TPCN1: variants seen among roughly 807,000 people sequenced by gnomAD.
TPCN1 encodes the protein two pore channel protein 1.
Under a neutral mutation model 108.8 loss-of-function variants are expected in TPCN1, and 52 were observed. The ratio of observed to expected loss-of-function variants is 0.48; its 90% CI spans 0.38 to 0.60. TPCN1 has a LOEUF of 0.60. TPCN1 is among the 20% of genes least tolerant of loss of function. TPCN1 has a pLI of 0.00. For synonymous variants in TPCN1, 446 were observed against 433.7 expected (o/e 1.03, Z -0.35); for missense variants, 806 against 1,072.8 (o/e 0.75, Z 3.47).
chr12:113,258,061 T>C (rs530565664), intron 2 of TPCN1, among the ~76,000 whole-genome samples: 1 of 152,222 alleles, frequency 6.6e-6, no homozygotes, highest in African/African-American at 2.4e-5. Flanking sequence ...ATATGTTATC[T>C]TGATTGTTGT....
Position 113,284,572 on chromosome 12 carries a change from G to A in TPCN1, c.1343-9G>A, listed in dbSNP as rs1956002095. 2 of 1,614,162 alleles carry A rather than the reference G, an allele frequency of 1.2e-6. No homozygotes were observed. The highest frequency in any genetic ancestry group is 2.2e-5 in the South Asian group (2 of 91,084). On this transcript the variant is annotated splice_polypyrimidine_tract_variant and intron_variant, in intron 15 of 27. Transcript: ENST00000335509. The surrounding 1 kb of genome is among the most constrained non-coding windows in gnomAD (Gnocchi z 4.1). Reference sequence around the variant, plus strand: ...ATTTCTCTGTCTTTTACGGGCCTGTGTATTTCAGACTTGGTGGTGGCAGTC... The same window carrying A: ...ATTTCTCTGTCTTTTACGGGCCTGTATATTTCAGACTTGGTGGTGGCAGTC...
At chr12:113,293,389 G>A (rs771095403) in intron 27 of TPCN1, 40 bp downstream of exon 27, 1 of 1,590,402 alleles carries the variant, frequency 6.3e-7, no homozygotes, top group East Asian at 2.2e-5. Flanking sequence ...CCTCCCCCAA[G>A]CTATGTCCTG....
At chr12:113,279,294 T>A (rs537273680) in intron 14 of TPCN1, among the ~76,000 whole-genome samples, 1 of 143,160 alleles carries the variant, frequency 7.0e-6, no homozygotes, top group Admixed American at 7.1e-5. Flanking sequence ...CAATAACACA[T>A]ATGTGTGTGT....
At chr12:113,255,067 C>T (rs747999610) in intron 2 of TPCN1, among the ~76,000 whole-genome samples, 2 of 152,156 alleles carry the variant, frequency 1.3e-5, no homozygotes, top group Non-Finnish European at 2.9e-5. Flanking sequence ...GCAAGAAAAA[C>T]GAAAGGCATC....
chr12:113,252,471 G>T (rs940178733), intron 2 of TPCN1, among the ~76,000 whole-genome samples: 12 of 152,206 alleles, frequency 7.9e-5, no homozygotes, highest in African/African-American at 2.9e-4. Context: ...GAGAAGAAGG[G>T]CAGGAAGGCT....
chr12:113,288,290 G>A lies in TPCN1; in HGVS notation c.1706+56G>A, dbSNP rs781233504. ...TCCAGGTGCCGTGTGGCAGTGCCCC[G>A]TGGGGGCGGGAGCCGAGTGGCAGTC... On this transcript the variant is annotated intron_variant, in intron 20 of 27. Transcript: ENST00000335509. The surrounding 1 kb of genome is among the most constrained non-coding windows in gnomAD (Gnocchi z 4.8). The A allele has an allele frequency of 5.3e-5, 86 of 1,610,516 alleles. No homozygotes were observed. In the African/African-American group the frequency reaches 5.7e-4, roughly 11 times the overall value.
At chr12:113,243,096 G>C (rs1566146802) in intron 2 of TPCN1, among the ~76,000 whole-genome samples, 1 of 152,244 alleles carries the variant, frequency 6.6e-6, no homozygotes, top group Non-Finnish European at 1.5e-5. Context: ...CTGGCCGGGT[G>C]CGGTGCCTCA....
intron 15 of TPCN1, among the ~76,000 whole-genome samples, chr12:113,280,696 C>G (rs1236184067): frequency 6.6e-6 from 1 of 152,230 alleles, no homozygotes; most frequent in Non-Finnish European, 1.5e-5. Flanking sequence ...TTAATAGCCA[C>G]AAATGGCTAA....
intron 2 of TPCN1, among the ~76,000 whole-genome samples, chr12:113,240,986 A>T (rs61943593): frequency 0.091 from 13,844 of 152,100 alleles, 723 homozygotes; most frequent in East Asian, 0.21. Flanking sequence ...CCTCAGGTGA[A>T]CTGCTCACCT....
intron 10 of TPCN1, among the ~76,000 whole-genome samples, chr12:113,275,722 G>T (rs1398852357): frequency 6.6e-6 from 1 of 151,674 alleles, no homozygotes; most frequent in African/African-American, 2.4e-5. Context: ...ACAGGCACCC[G>T]CCACCACGCC....
At chr12:113,245,584 G>T (rs1954336795) in intron 2 of TPCN1, among the ~76,000 whole-genome samples, 1 of 109,716 alleles carries the variant, frequency 9.1e-6, no homozygotes, top group Non-Finnish European at 1.8e-5. Context: ...CTGGGCGACA[G>T]AGCAAGACTC....
chr12:113,262,753 G>A (rs1955091266), intron 3 of TPCN1, among the ~76,000 whole-genome samples: 1 of 152,138 alleles, frequency 6.6e-6, no homozygotes, highest in Non-Finnish European at 1.5e-5. Flanking sequence ...AACTTTAAGG[G>A]GGCACCTGCT....
chr12:113,295,001 G>C (rs373765084), intron 27 of TPCN1, among the ~76,000 whole-genome samples: 19 of 152,376 alleles, frequency 1.2e-4, no homozygotes, highest in African/African-American at 4.3e-4. Context: ...GACTCAGGCA[G>C]TGTTCTTTGG....
chr12:113,288,739 T>C lies in TPCN1; in HGVS notation c.1707-19T>C, dbSNP rs1484838746. 2 of 1,610,926 alleles carry C rather than the reference T, an allele frequency of 1.2e-6. No individual in the cohort carries two copies. Among genetic ancestry groups the C allele is most frequent in the Non-Finnish European group, 1.7e-6 (2 of 1,179,884 alleles). Reference sequence around the variant, plus strand: ...CCCTCCTGCCGGCCCCGCGTCACCCTGCCCCTGTCGCCCCACAGCCTGGGC... The same window carrying C: ...CCCTCCTGCCGGCCCCGCGTCACCCCGCCCCTGTCGCCCCACAGCCTGGGC... On this transcript the variant is annotated intron_variant, in intron 20 of 27. Transcript: ENST00000335509. The surrounding 1 kb of genome is among the most constrained non-coding windows in gnomAD (Gnocchi z 4.8).
rs774236758 is a variant in TPCN1 at position 113,287,058 on chromosome 12, A to G, written c.1598A>G (p.Tyr533Cys). The change falls in exon 19 of 28, where the codon TAT becomes TGT. Residue 533 changes from tyrosine to cysteine, a missense_variant. Transcript: ENST00000335509. ...LALALNMEPF[Y>C]FIVVLRPLQL... ...CTGGCCCTCAACATGGAGCCCTTCTATTTCATCGTGGTCCTGCGCCCCCTC... is the reference window on the plus strand; with the variant it reads ...CTGGCCCTCAACATGGAGCCCTTCTGTTTCATCGTGGTCCTGCGCCCCCTC... The G allele has an allele frequency of 1.9e-6, 3 of 1,613,720 alleles. No individual in the cohort carries two copies. Among genetic ancestry groups the G allele is most frequent in the Non-Finnish European group, 2.5e-6 (3 of 1,179,960 alleles).
rs570645205 is a variant in TPCN1 at position 113,266,481 on chromosome 12, G to A, written c.414+125G>A. The A allele has an allele frequency of 1.3e-5, 17 of 1,326,924 alleles. No homozygotes were observed. The highest frequency in any genetic ancestry group is 1.2e-4 in the African/African-American group (8 of 68,876). 82.2% of individuals were successfully genotyped at this position (1,326,924 alleles called of 1,614,324 possible). A position where few individuals can be genotyped will look rare whatever the true frequency, so the allele number is the denominator to read the frequency against. On this transcript the variant is annotated intron_variant, in intron 4 of 27. Coordinates refer to ENST00000335509, the MANE Select transcript of TPCN1 (RefSeq NM_017901.6). The surrounding 1 kb of genome is among the most constrained non-coding windows in gnomAD (Gnocchi z 4.2). ...AAACGGACTTAAAACAGAGAGATAC[G>A]AGGTGGTCATAGAGGCCTTGGGAGC...
Position 113,231,662 on chromosome 12 carries a change from GA to G in TPCN1, c.112+4699del, listed in dbSNP as rs1953691319. On this transcript the variant is annotated intron_variant, in intron 2 of 27. Coordinates refer to ENST00000335509, the MANE Select transcript of TPCN1 (RefSeq NM_017901.6). The surrounding 1 kb of genome is among the most constrained non-coding windows in gnomAD (Gnocchi z 4.3). ...AGGGCCTTATCCCTGCAGGAAACTG[GA>G]GGGTTTGGGTTTTTCTCCTTATATG... Among the ~76,000 whole-genome samples the G allele has an allele frequency of 6.6e-6, 1 of 152,166 alleles. No homozygotes were observed. The highest frequency in any genetic ancestry group is 1.5e-5 in the Non-Finnish European group (1 of 68,038).
rs527941339 is a variant in TPCN1, at chr12:113,296,457, G to C, written c.*381G>C. On this transcript the variant is annotated 3_prime_UTR_variant, in exon 28 of 28. Coordinates refer to ENST00000335509, the MANE Select transcript of TPCN1 (RefSeq NM_017901.6). ...TACTGCTTCAGGCTCACATCCCCCC[G>C]ACCTGATGGCGTGCCCGCCCCCTCT... 4.8e-6 allele frequency: 1 copy of C among 206,720 alleles called. No individual in the cohort carries two copies. Among genetic ancestry groups the C allele is most frequent in the African/African-American group, 2.3e-5 (1 of 43,878 alleles). The allele number at this position is 206,720 out of a possible 1,614,324, so 12.8% of individuals were successfully genotyped here.
intron 15 of TPCN1, among the ~76,000 whole-genome samples, chr12:113,280,919 A>G (rs1955865892): frequency 6.6e-6 from 1 of 152,114 alleles, no homozygotes; most frequent in African/African-American, 2.4e-5. Flanking sequence ...GGACAGAACT[A>G]GGGTTTTGTT....
Sources: gnomAD v4.1 joint callset for allele counts (sites outside exome capture counted in the v4.1 genomes callset) on GRCh38, gnomAD v4.1.1 for gene constraint, Gnocchi (gnomAD v3.1) non-coding constraint, MANE v1.5 for transcripts, NCBI Gene and HGNC (gene_info 2026-07-23, HGNC 2026-07-21) for gene names.